The following GPR137B variants were observed in gnomAD, a reference collection of about 807,000 sequenced individuals.
GPR137B encodes integral membrane protein GPR137B.
A neutral mutation model predicts 42.5 loss-of-function variants in GPR137B; 42 were observed. That is an observed-to-expected ratio of 0.99 (90% CI 0.77 to 1.28). The LOEUF (loss-of-function observed/expected upper bound fraction) is 1.28, where lower values mean the gene tolerates loss of function less well. Among genes scored for constraint, GPR137B ranks in the 50% most tolerant of loss-of-function variants. GPR137B has a pLI of 0.00. For missense variants in GPR137B, 487 were observed against 493.9 expected (o/e 0.99, Z 0.13); for synonymous variants, 218 against 209.7 (o/e 1.04, Z -0.34).
Position 236,208,362 on chromosome 1 carries a change from C to A in GPR137B, c.*204C>A. The A allele has an allele frequency of 8.1e-7, 1 of 1,227,738 alleles. No homozygotes were observed. The allele number at this position is 1,227,738 out of a possible 1,614,324, so 76.1% of individuals were successfully genotyped here. On this transcript the variant is annotated 3_prime_UTR_variant, in exon 7 of 7. Coordinates refer to ENST00000366592, the MANE Select transcript of GPR137B (RefSeq NM_003272.4). ...TACTAAAGAGGGAGCCTTGCTATTTCAGTGGGTATAATTTAAACTTTTTAA... is the reference window on the plus strand; with the variant it reads ...TACTAAAGAGGGAGCCTTGCTATTTAAGTGGGTATAATTTAAACTTTTTAA...
chr1:236,185,708 G>A (rs528327658), intron 5 of GPR137B, among the ~76,000 whole-genome samples: 2 of 151,966 alleles, frequency 1.3e-5, no homozygotes, highest in South Asian at 2.1e-4. Context: ...TGCATGAGCC[G>A]TGTTGCCCAG....
chr1:236,184,001 C>CT, intron 5 of GPR137B, 95 bp downstream of exon 5: 1 of 809,018 alleles, frequency 1.2e-6, no homozygotes, highest in Non-Finnish European at 2.0e-6. Context: ...CAGAAGAGAG[C>CT]CTCTTCCTTT....
intron 1 of GPR137B, among the ~76,000 whole-genome samples, chr1:236,146,297 G>T (rs570131932): frequency 6.8e-4 from 103 of 152,288 alleles, no homozygotes; most frequent in Non-Finnish European, 1.1e-3. Context: ...TGAAGGGAAT[G>T]GTTATTGAAG....
At chr1:236,152,680 G>GGAGGCA (rs1661903867) in intron 1 of GPR137B, among the ~76,000 whole-genome samples, 1 of 152,000 alleles carries the variant, frequency 6.6e-6, no homozygotes. Flanking sequence ...CTTGAATCCG[G>GGAGGCA]GAGGCAGAGG....
intron 5 of GPR137B, among the ~76,000 whole-genome samples, chr1:236,191,098 C>T (rs1663179103): frequency 6.6e-6 from 1 of 152,044 alleles, no homozygotes; most frequent in African/African-American, 2.4e-5. Context: ...AGTTGATCTT[C>T]AATCTCATAT....
chr1:236,182,733 TCAAA>T (rs3082532), intron 4 of GPR137B, among the ~76,000 whole-genome samples: 5 of 150,338 alleles, frequency 3.3e-5, no homozygotes, highest in Admixed American at 6.7e-5. Flanking sequence ...AGACCCTGTC[TCAAA>T]CAAACAAACA....
At chr1:236,170,557 G>C (rs984847580) in intron 2 of GPR137B, among the ~76,000 whole-genome samples, 4 of 152,170 alleles carry the variant, frequency 2.6e-5, no homozygotes, top group Non-Finnish European at 5.9e-5. Context: ...TGGAACTTCA[G>C]CGTCCACTGT....
At chr1:236,205,339 G>T in intron 6 of GPR137B, 89 bp downstream of exon 6, 1 of 1,140,738 alleles carries the variant, frequency 8.8e-7, no homozygotes, top group Non-Finnish European at 1.3e-6. Context: ...AAATTCCTAC[G>T]TTAAAACTGT....
chr1:236,188,663 T>A (rs193117734), intron 5 of GPR137B, among the ~76,000 whole-genome samples: 1 of 152,222 alleles, frequency 6.6e-6, no homozygotes, highest in Non-Finnish European at 1.5e-5. Context: ...ATCCCAGATA[T>A]GAAGCTGACT....
chr1:236,168,534 A>C (rs962850991), intron 1 of GPR137B, among the ~76,000 whole-genome samples, 172 bp from the exon 2 acceptor site: 1 of 152,144 alleles, frequency 6.6e-6, no homozygotes, highest in Non-Finnish European at 1.5e-5. Context: ...TTACTATTAA[A>C]ACTGTATGTG....
chr1:236,164,506 A>G (rs1031696524), intron 1 of GPR137B, among the ~76,000 whole-genome samples: 14 of 152,226 alleles, frequency 9.2e-5, no homozygotes, highest in Admixed American at 2.6e-4. Flanking sequence ...AGAAATGGGC[A>G]GCCGGATATG....
At chr1:236,201,489 T>C (rs1261446844) in intron 5 of GPR137B, among the ~76,000 whole-genome samples, 2 of 152,084 alleles carry the variant, frequency 1.3e-5, no homozygotes, top group Admixed American at 6.5e-5. Context: ...TTTTTTGTCT[T>C]TGTGGATTGG....
chr1:236,185,598 C>G (rs1558491075), intron 5 of GPR137B, among the ~76,000 whole-genome samples: 1 of 152,176 alleles, frequency 6.6e-6, no homozygotes, highest in Admixed American at 6.5e-5. Context: ...CTCTGTCACC[C>G]AGGCTGGAGT....
chr1:236,160,662 G>A (rs936654504), intron 1 of GPR137B, among the ~76,000 whole-genome samples: 2 of 152,126 alleles, frequency 1.3e-5, no homozygotes, highest in African/African-American at 4.8e-5. Context: ...CTCTTGAATT[G>A]ACTCACTGCT....
chr1:236,161,919 A>G (rs1662214239), intron 1 of GPR137B, among the ~76,000 whole-genome samples: 1 of 152,206 alleles, frequency 6.6e-6, no homozygotes, highest in Non-Finnish European at 1.5e-5. Context: ...AATACAGTAA[A>G]TTAGTACCAG....
At chr1:236,167,803 A>G (rs776439016) in intron 1 of GPR137B, among the ~76,000 whole-genome samples, 4 of 152,144 alleles carry the variant, frequency 2.6e-5, no homozygotes, top group African/African-American at 4.8e-5. Flanking sequence ...GTGCTGTAGC[A>G]GTAGCAGCCT....
intron 5 of GPR137B, among the ~76,000 whole-genome samples, chr1:236,201,546 A>G (rs1663491697): frequency 6.6e-6 from 1 of 151,818 alleles, no homozygotes; most frequent in Non-Finnish European, 1.5e-5. Context: ...TTTCTACTTG[A>G]TTCTATTGTT....
chr1:236,162,817 C>T (rs1363843910), intron 1 of GPR137B, among the ~76,000 whole-genome samples: 1 of 152,212 alleles, frequency 6.6e-6, no homozygotes, highest in Non-Finnish European at 1.5e-5. Flanking sequence ...CAAAAGTTTG[C>T]TGTGGGGGTG....
At chr1:236,148,324 G>A (rs951289550) in intron 1 of GPR137B, among the ~76,000 whole-genome samples, 4 of 152,182 alleles carry the variant, frequency 2.6e-5, no homozygotes, top group East Asian at 1.9e-4. Flanking sequence ...TTGATGTGGC[G>A]GTGGGCTCGG....
Sources: gnomAD v4.1 joint callset for allele counts (sites outside exome capture counted in the v4.1 genomes callset) on GRCh38, gnomAD v4.1.1 for gene constraint, MANE v1.5 for transcripts, NCBI Gene and HGNC (gene_info 2026-07-23, HGNC 2026-07-21) for gene names.